Variants in SPATS2L observed in about 807,000 individuals in gnomAD.
SPATS2L encodes the protein SPATS2-like protein.
SPATS2L carries 30 observed loss-of-function variants against 59.6 expected under a neutral mutation model. The observed-to-expected ratio is 0.50, with a 90% CI of 0.38 to 0.68. The LOEUF (loss-of-function observed/expected upper bound fraction) is 0.68, where lower values mean the gene tolerates loss of function less well. SPATS2L is among the 30% of genes least tolerant of loss of function. The pLI, the probability that SPATS2L is intolerant of heterozygous loss-of-function variation, is 0.00. For missense variants in SPATS2L, 615 were observed against 700.0 expected, an observed-to-expected ratio of 0.88 and a Z score of 1.37; for synonymous variants, 252 against 263.5, an observed-to-expected ratio of 0.96 and a Z score of 0.42.
intron 2 of SPATS2L, among the ~76,000 whole-genome samples, chr2:200,388,840 G>A (rs1294341495): frequency 6.6e-6 from 1 of 152,102 alleles, no homozygotes; most frequent in African/African-American, 2.4e-5. Flanking sequence ...AGATTACCAA[G>A]GAGCTGATAA....
intron 2 of SPATS2L, among the ~76,000 whole-genome samples, chr2:200,332,007 T>C (rs1263423672): frequency 6.6e-6 from 1 of 152,232 alleles, no homozygotes; most frequent in African/African-American, 2.4e-5. Flanking sequence ...TTTTTGGCTT[T>C]CCAGGCTTGA....
chr2:200,334,828 T>C (rs1370336239), intron 2 of SPATS2L, among the ~76,000 whole-genome samples: 1 of 152,220 alleles, frequency 6.6e-6, no homozygotes, highest in African/African-American at 2.4e-5. Flanking sequence ...GTTGTAGATA[T>C]GTGGCATTAT....
At chr2:200,434,121 A>T (rs1574519008) in intron 6 of SPATS2L, among the ~76,000 whole-genome samples, 2 of 152,044 alleles carry the variant, frequency 1.3e-5, no homozygotes, top group East Asian at 3.8e-4. Context: ...TAATAATTTC[A>T]GGAACTCAAC....
chr2:200,435,736 T>G (rs1219623795), intron 6 of SPATS2L, among the ~76,000 whole-genome samples: 1 of 152,164 alleles, frequency 6.6e-6, no homozygotes, highest in African/African-American at 2.4e-5. Context: ...TAGTAGTGAT[T>G]ACACACTGAA....
intron 2 of SPATS2L, among the ~76,000 whole-genome samples, chr2:200,348,067 C>T (rs1158751587): frequency 6.6e-6 from 1 of 152,076 alleles, no homozygotes. Flanking sequence ...TAGCAGAGGA[C>T]ATTGTTTCTG....
chr2:200,438,258 C>T (rs987796375), intron 6 of SPATS2L, among the ~76,000 whole-genome samples: 1 of 152,126 alleles, frequency 6.6e-6, no homozygotes, highest in South Asian at 2.1e-4. Context: ...ATAAGGAATA[C>T]CAGAACTTGG....
At chr2:200,438,355 A>C (rs2084447144) in intron 6 of SPATS2L, among the ~76,000 whole-genome samples, 1 of 152,162 alleles carries the variant, frequency 6.6e-6, no homozygotes, top group African/African-American at 2.4e-5. Context: ...CTCACACCCA[A>C]AACTTTCTCT....
chr2:200,362,910 TG>T (rs2081154226), intron 2 of SPATS2L, among the ~76,000 whole-genome samples: 1 of 152,226 alleles, frequency 6.6e-6, no homozygotes, highest in Non-Finnish European at 1.5e-5. Flanking sequence ...GAAAATAATT[TG>T]AAGCCTAACC....
At chr2:200,469,837 A>G in intron 10 of SPATS2L, 77 bp from the exon 11 acceptor site, 10 of 1,088,054 alleles carry the variant, frequency 9.2e-6, no homozygotes, top group Non-Finnish European at 1.2e-5. Flanking sequence ...CCGGAAGAGC[A>G]GAGTGAACGC....
chr2:200,319,845 CTACT>C (rs2079506481), intron 1 of SPATS2L, among the ~76,000 whole-genome samples: 1 of 152,184 alleles, frequency 6.6e-6, no homozygotes. Flanking sequence ...TCATGTGTGC[CTACT>C]TAGAGGACTT....
At chr2:200,326,411 C>A (rs191932534) in intron 1 of SPATS2L, among the ~76,000 whole-genome samples, 1 of 152,266 alleles carries the variant, frequency 6.6e-6, no homozygotes, top group East Asian at 1.9e-4. Flanking sequence ...AGAAAAATTA[C>A]CAATAATCCT....
At chr2:200,379,641 G>A (rs987539729) in intron 2 of SPATS2L, among the ~76,000 whole-genome samples, 2 of 152,064 alleles carry the variant, frequency 1.3e-5, no homozygotes. Flanking sequence ...AACTATGTTT[G>A]ATCTTTTGTC....
At chr2:200,319,330 C>G (rs564373975) in intron 1 of SPATS2L, among the ~76,000 whole-genome samples, 2 of 152,212 alleles carry the variant, frequency 1.3e-5, no homozygotes, top group Admixed American at 6.5e-5. Context: ...TTTTGAAGGC[C>G]GAGGTGGGCG....
intron 2 of SPATS2L, chr2:200,384,138 A>T (rs1401558884): frequency 3.2e-6 from 1 of 315,768 alleles, no homozygotes; most frequent in Non-Finnish European, 4.9e-6. Context: ...TATCAATTGG[A>T]AATACAGAGA....
In SPATS2L at chr2:200,481,238, C is replaced by T. The variant is rs2087767897; in HGVS notation, c.*3207C>T. On this transcript the variant is annotated 3_prime_UTR_variant, in exon 13 of 13. Transcript: ENST00000409140. ...AGCTCAGTTCACAAGCAGTTCAATT[C>T]TGCTGGCATCAGAAAAGGAGATTCT... The T allele has an allele frequency of 6.6e-6, 1 of 152,244 alleles. No homozygotes were observed. Among genetic ancestry groups the T allele is most frequent in the Non-Finnish European group, 1.5e-5 (1 of 68,040 alleles). 9.4% of individuals were successfully genotyped at this position (152,244 alleles called of 1,614,324 possible). A position where few individuals can be genotyped will look rare whatever the true frequency, so the allele number is the denominator to read the frequency against.
chr2:200,422,690 A>G (rs930071845), intron 6 of SPATS2L, among the ~76,000 whole-genome samples: 3 of 152,132 alleles, frequency 2.0e-5, no homozygotes, highest in African/African-American at 7.2e-5. Flanking sequence ...GTTTTTAGCT[A>G]TAGTAATCTG....
At chr2:200,334,630 G>GT (rs1398707352) in intron 2 of SPATS2L, among the ~76,000 whole-genome samples, 1 of 151,724 alleles carries the variant, frequency 6.6e-6, no homozygotes, top group East Asian at 1.9e-4. Flanking sequence ...TTCTTCTAGG[G>GT]TTTTTATGGT....
intron 9 of SPATS2L, among the ~76,000 whole-genome samples, chr2:200,465,809 G>A (rs771828899): frequency 6.6e-6 from 1 of 152,210 alleles, no homozygotes. Context: ...GAGGCAGGCA[G>A]ATCACGAGGT....
At chr2:200,457,790 C>T (rs1383831397) in intron 8 of SPATS2L, among the ~76,000 whole-genome samples, 1 of 152,220 alleles carries the variant, frequency 6.6e-6, no homozygotes, top group African/African-American at 2.4e-5. Flanking sequence ...ATTTAGGTTG[C>T]ACAGTCTACT....
Sources: gnomAD v4.1 joint callset for allele counts (sites outside exome capture counted in the v4.1 genomes callset) on GRCh38, gnomAD v4.1.1 for gene constraint, MANE v1.5 for transcripts, NCBI Gene and HGNC (gene_info 2026-07-23, HGNC 2026-07-21) for gene names.